SEMA5A: variants seen among roughly 807,000 people sequenced by gnomAD.
The protein encoded by SEMA5A is semaphorin-5A.
In SEMA5A, 55 loss-of-function variants were observed where a neutral mutation model predicts 135.5. That is an observed-to-expected ratio of 0.41 (90% confidence interval 0.33 to 0.51). The LOEUF is 0.51. SEMA5A is among the 20% of genes least tolerant of loss of function. SEMA5A has a pLI of 0.37. For missense variants in SEMA5A, 1,290 were observed against 1,419.9 expected (o/e 0.91, Z 1.47); for synonymous variants, 580 against 546.5 (o/e 1.06, Z -0.85).
intron 8 of SEMA5A, among the ~76,000 whole-genome samples, chr5:9,215,164 A>C (rs1196076252): frequency 6.6e-6 from 1 of 152,228 alleles, no homozygotes; most frequent in African/African-American, 2.4e-5. Context: ...GGAAACAAGA[A>C]GACAACGCCA....
At chr5:9,485,710 C>T (rs2126788835) in intron 1 of SEMA5A, among the ~76,000 whole-genome samples, 1 of 152,232 alleles carries the variant, frequency 6.6e-6, no homozygotes, top group South Asian at 2.1e-4. Context: ...CCAACATCCT[C>T]AATGATCTCC....
At chr5:9,527,145 G>A (rs1737176504) in intron 1 of SEMA5A, among the ~76,000 whole-genome samples, 1 of 152,100 alleles carries the variant, frequency 6.6e-6, no homozygotes, top group Admixed American at 6.5e-5. Context: ...TGACAGAGTG[G>A]GAGGAGTGAG....
chr5:9,324,531 G>T (rs1752783507), intron 4 of SEMA5A, among the ~76,000 whole-genome samples: 1 of 152,034 alleles, frequency 6.6e-6, no homozygotes, highest in East Asian at 1.9e-4. Flanking sequence ...ATGCATTTTT[G>T]CTGTAGGAAA....
At chr5:9,094,448 A>G (rs1346614757) in intron 16 of SEMA5A, among the ~76,000 whole-genome samples, 3 of 152,240 alleles carry the variant, frequency 2.0e-5, no homozygotes, top group African/African-American at 4.8e-5. Flanking sequence ...GAAAGCTATT[A>G]GCAGTTGCAA....
chr5:9,545,324 G>A lies in SEMA5A; in HGVS notation c.-175+260C>T, dbSNP rs934739382. ...ACACTCCGGCTCCTTACCTCTCCATGCTCAGACCTCGGCACAGGCGGGTAC... is the reference window on the plus strand; with the variant it reads ...ACACTCCGGCTCCTTACCTCTCCATACTCAGACCTCGGCACAGGCGGGTAC... On this transcript the variant is annotated intron_variant, in intron 1 of 22. Transcript: ENST00000382496. This position sits in a 1 kb window ranked among gnomAD's most constrained non-coding sequence, Gnocchi z 4.5. 3.3e-5 allele frequency among the ~76,000 whole-genome samples: 5 copies of A among 152,146 alleles called. No individual in the cohort carries two copies. The highest frequency in any genetic ancestry group is 7.4e-5 in the Non-Finnish European group (5 of 68,022).
chr5:9,466,912 G>C (rs1267365097), intron 1 of SEMA5A, among the ~76,000 whole-genome samples: 1 of 152,234 alleles, frequency 6.6e-6, no homozygotes, highest in African/African-American at 2.4e-5. Context: ...GTGGGCAGAT[G>C]TGAGGGAAAA....
intron 1 of SEMA5A, among the ~76,000 whole-genome samples, chr5:9,457,481 C>G (rs1419080278): frequency 6.6e-6 from 1 of 152,156 alleles, no homozygotes; most frequent in Non-Finnish European, 1.5e-5. Flanking sequence ...TGCTCTTAAC[C>G]CTTCAATATT....
intron 5 of SEMA5A, among the ~76,000 whole-genome samples, chr5:9,266,545 T>C (rs1579747956): frequency 6.6e-6 from 1 of 152,232 alleles, no homozygotes; most frequent in East Asian, 1.9e-4. Context: ...GAAACTTTTA[T>C]CTGGTCCCGT....
At chr5:9,098,863 A>ATG (rs200388702) in intron 16 of SEMA5A, among the ~76,000 whole-genome samples, 5 of 152,194 alleles carry the variant, frequency 3.3e-5, no homozygotes, top group African/African-American at 9.6e-5. Context: ...TAAAGGAAAA[A>ATG]TGTGTGTGTG....
intron 2 of SEMA5A, among the ~76,000 whole-genome samples, chr5:9,412,874 T>A (rs1440404989): frequency 2.0e-5 from 3 of 152,214 alleles, no homozygotes; most frequent in African/African-American, 7.2e-5. Context: ...CACTTTGGAC[T>A]TTAGTTTTTT....
chr5:9,045,507 TCCTAGAGGTAACTATTATA>T (rs900733019), intron 21 of SEMA5A, among the ~76,000 whole-genome samples: 7 of 152,286 alleles, frequency 4.6e-5, no homozygotes, highest in Non-Finnish European at 7.4e-5. Flanking sequence ...ATAAATCCTT[TCCTAGAGGTAACTATTATA>T]CCTAGAGGTA....
intron 9 of SEMA5A, 81 bp downstream of exon 9, chr5:9,201,874 A>T: frequency 1.5e-6 from 2 of 1,363,150 alleles, no homozygotes; most frequent in Non-Finnish European, 2.0e-6. Flanking sequence ...AAGTAAATTT[A>T]AAACCTCAGA....
At chr5:9,115,076 T>C (rs890215965) in intron 15 of SEMA5A, among the ~76,000 whole-genome samples, 1 of 152,218 alleles carries the variant, frequency 6.6e-6, no homozygotes, top group Admixed American at 6.5e-5. Context: ...GGTCTGTGAA[T>C]GTAGCTTTTG....
intron 1 of SEMA5A, among the ~76,000 whole-genome samples, chr5:9,443,294 A>G (rs1227013631): frequency 6.6e-6 from 1 of 152,138 alleles, no homozygotes; most frequent in African/African-American, 2.4e-5. Context: ...GGTGACAGGA[A>G]CAGAGAACAA....
intron 13 of SEMA5A, among the ~76,000 whole-genome samples, chr5:9,129,983 C>T (rs1741318895): frequency 6.6e-6 from 1 of 152,188 alleles, no homozygotes; most frequent in African/African-American, 2.4e-5. Flanking sequence ...GTAGATCCTT[C>T]TTTGGTGAGA....
chr5:9,540,657 T>C (rs1738033169), intron 1 of SEMA5A, among the ~76,000 whole-genome samples: 1 of 152,122 alleles, frequency 6.6e-6, no homozygotes, highest in African/African-American at 2.4e-5. Context: ...ATCTCAGTCC[T>C]GTAAAAGGAG....
At chr5:9,330,296 A>C (rs1200137265) in intron 4 of SEMA5A, among the ~76,000 whole-genome samples, 1 of 151,896 alleles carries the variant, frequency 6.6e-6, no homozygotes, top group Non-Finnish European at 1.5e-5. Context: ...AGGCTGAGGC[A>C]GAAGAATGGC....
chr5:9,353,189 G>GGAAAGGAAA lies in SEMA5A; in HGVS notation c.125-15378_125-15377insTTTCCTTTC, dbSNP rs1754250406. On this transcript the variant is annotated intron_variant, in intron 3 of 22. Coordinates refer to ENST00000382496, the MANE Select transcript of SEMA5A (RefSeq NM_003966.3). ...GGGAAAGGAAGGGAAAGGAAGGGAA[G>GGAAAGGAAA]GGAAAGGAAAGGAAAGGAAAGGAAA... Among the ~76,000 whole-genome samples, 61 of 16,730 alleles carry GGAAAGGAAA rather than the reference G, an allele frequency of 3.6e-3. 7 individuals carry two copies. Among genetic ancestry groups the GGAAAGGAAA allele is most frequent in the African/African-American group, 0.011 (46 of 4,072 alleles). The allele number at this position is 16,730 out of a possible 152,430, so 11.0% of individuals were successfully genotyped here.
chr5:9,079,629 T>G (rs1053224781), intron 16 of SEMA5A, among the ~76,000 whole-genome samples: 2 of 152,108 alleles, frequency 1.3e-5, no homozygotes, highest in African/African-American at 4.8e-5. Flanking sequence ...GATAAAATTT[T>G]TGCAGTCTAT....
Sources: allele counts gnomAD v4.1 joint callset (sites outside exome capture counted in the v4.1 genomes callset), GRCh38; gene constraint gnomAD v4.1.1; non-coding constraint Gnocchi (gnomAD v3.1); transcripts MANE v1.5; gene names NCBI Gene and HGNC (gene_info 2026-07-23, HGNC 2026-07-21).